CADM2: variants seen among roughly 807,000 people sequenced by gnomAD.
The protein encoded by CADM2 is immunoglobulin superfamily member 4D.
CADM2 carries 12 observed loss-of-function variants against 49.8 expected under a neutral mutation model. That is an observed-to-expected ratio of 0.24 (90% CI 0.15 to 0.39). The LOEUF is 0.39. Among genes scored for constraint, CADM2 ranks in the 10% least tolerant of loss-of-function variants. The pLI, the probability that CADM2 is intolerant of heterozygous loss-of-function variation, is 1.00. For missense variants in CADM2, 378 were observed against 492.3 expected (o/e 0.77, Z 2.20); for synonymous variants, 214 against 175.4 (o/e 1.22, Z -1.74).
chr3:85,479,239 CAATA>C lies in CADM2; in HGVS notation c.62-247282_62-247279del, dbSNP rs536820304. On this transcript the variant is annotated intron_variant, in intron 1 of 9. Coordinates refer to ENST00000383699, the MANE Select transcript of CADM2 (RefSeq NM_001167675.2). ...GGGTACAATACAATAGGTACTTTTA[CAATA>C]GATATAATACTCATGGAGTATGAAA... Among the ~76,000 whole-genome samples the C allele has an allele frequency of 3.7e-3, 559 of 151,984 alleles. 4 individuals carry two copies. The Middle Eastern group carries it at 0.044, about 12-fold the overall frequency.
chr3:85,156,942 A>G (rs1234505628), intron 1 of CADM2, among the ~76,000 whole-genome samples: 2 of 152,096 alleles, frequency 1.3e-5, no homozygotes, highest in African/African-American at 4.8e-5. Context: ...AGAAAACCCC[A>G]TTGTCTCAGC....
intron 1 of CADM2, among the ~76,000 whole-genome samples, chr3:85,033,356 A>C (rs1436958031): frequency 6.6e-6 from 1 of 152,158 alleles, no homozygotes; most frequent in East Asian, 1.9e-4. Flanking sequence ...CTTTGTGTTT[A>C]CACTGTTTTC....
At chr3:85,569,900 C>A (rs916157583) in intron 1 of CADM2, among the ~76,000 whole-genome samples, 4 of 151,932 alleles carry the variant, frequency 2.6e-5, no homozygotes, top group Non-Finnish European at 4.4e-5. Flanking sequence ...GTATATAATT[C>A]TCGATTGGCA....
chr3:85,134,965 T>G (rs948707905), intron 1 of CADM2, among the ~76,000 whole-genome samples: 1 of 152,022 alleles, frequency 6.6e-6, no homozygotes, highest in African/African-American at 2.4e-5. Flanking sequence ...TAACATGGAA[T>G]GGATTATACT....
chr3:85,628,506 C>T (rs1374753519), intron 1 of CADM2, among the ~76,000 whole-genome samples: 1 of 131,016 alleles, frequency 7.6e-6, no homozygotes, highest in African/African-American at 2.6e-5. Flanking sequence ...CCCCCTCTCC[C>T]ATATACATAT....
chr3:85,423,768 T>G (rs1184477612), intron 1 of CADM2, among the ~76,000 whole-genome samples: 3 of 152,312 alleles, frequency 2.0e-5, no homozygotes, highest in Admixed American at 1.3e-4. Flanking sequence ...TCTCTCAGTC[T>G]TAGTTTTATT....
At chr3:85,518,831 A>G (rs1219537594) in intron 1 of CADM2, among the ~76,000 whole-genome samples, 1 of 152,114 alleles carries the variant, frequency 6.6e-6, no homozygotes, top group East Asian at 1.9e-4. Context: ...TCATCTCAAG[A>G]TCTTCAATTT....
chr3:85,571,841 C>A (rs1265587050), intron 1 of CADM2, among the ~76,000 whole-genome samples: 1 of 152,108 alleles, frequency 6.6e-6, no homozygotes, highest in African/African-American at 2.4e-5. Flanking sequence ...CATACATCAG[C>A]CCTACATGAC....
intron 1 of CADM2, among the ~76,000 whole-genome samples, chr3:85,351,361 T>C (rs901138686): frequency 1.3e-5 from 2 of 152,158 alleles, no homozygotes; most frequent in African/African-American, 2.4e-5. Flanking sequence ...ATTAAAAGGA[T>C]ATCACATCAA....
At chr3:85,515,699 G>A (rs2060885643) in intron 1 of CADM2, among the ~76,000 whole-genome samples, 1 of 148,584 alleles carries the variant, frequency 6.7e-6, no homozygotes, top group Admixed American at 6.8e-5. Context: ...CTCAGACCTC[G>A]AACTCCTGAC....
chr3:85,321,943 T>C (rs985075064), intron 1 of CADM2, among the ~76,000 whole-genome samples: 1 of 152,248 alleles, frequency 6.6e-6, no homozygotes, highest in Non-Finnish European at 1.5e-5. Flanking sequence ...TAGTATTTAT[T>C]AGTTTGCAGA....
At chr3:85,146,483 G>A (rs1245758067) in intron 1 of CADM2, among the ~76,000 whole-genome samples, 2 of 151,708 alleles carry the variant, frequency 1.3e-5, no homozygotes, top group Non-Finnish European at 2.9e-5. Context: ...ACTTTCTTTT[G>A]GATTTATTCA....
At chr3:85,261,546 A>G (rs892690095) in intron 1 of CADM2, among the ~76,000 whole-genome samples, 5 of 152,136 alleles carry the variant, frequency 3.3e-5, no homozygotes, top group Non-Finnish European at 4.4e-5. Flanking sequence ...TCTCATTAAT[A>G]ATTATTCTCT....
At chr3:85,241,225 T>C (rs933176476) in intron 1 of CADM2, among the ~76,000 whole-genome samples, 2 of 151,378 alleles carry the variant, frequency 1.3e-5, no homozygotes, top group African/African-American at 4.8e-5. Context: ...CTGTGCAACA[T>C]GAACAAAAGT....
At position 86,055,327 on chromosome 3, in the gene CADM2, A is replaced by G. The variant is rs1218614802; in HGVS notation, c.971-10278A>G. Among the ~76,000 whole-genome samples the G allele has an allele frequency of 2.6e-5, 4 of 152,100 alleles. No individual in the cohort carries two copies. In the East Asian group the frequency reaches 7.7e-4, roughly 29 times the overall value. On this transcript the variant is annotated intron_variant, in intron 8 of 9. Coordinates refer to ENST00000383699, the MANE Select transcript of CADM2 (RefSeq NM_001167675.2). ...AGTTCTGGATGCTGAGAATTATGATATCAAGGTGCAGGCAGATTCAATGTT... is the reference window on the plus strand; with the variant it reads ...AGTTCTGGATGCTGAGAATTATGATGTCAAGGTGCAGGCAGATTCAATGTT...
intron 1 of CADM2, among the ~76,000 whole-genome samples, chr3:85,673,873 T>A (rs530368513): frequency 3.7e-4 from 56 of 152,282 alleles, no homozygotes; most frequent in African/African-American, 1.3e-3. Context: ...AGTATTATAT[T>A]TGAATTAAGA....
intron 1 of CADM2, among the ~76,000 whole-genome samples, chr3:85,215,358 TAAAA>T (rs955035192): frequency 6.2e-5 from 5 of 80,920 alleles, no homozygotes; most frequent in African/African-American, 2.7e-4. Flanking sequence ...CTCTCTTTTT[TAAAA>T]AAAAAAAAAA....
chr3:85,989,408 T>G (rs1728490213), intron 8 of CADM2, among the ~76,000 whole-genome samples: 3 of 152,078 alleles, frequency 2.0e-5, no homozygotes, highest in Non-Finnish European at 4.4e-5. Context: ...TATCAGAACC[T>G]CAAGAAAACG....
intron 1 of CADM2, among the ~76,000 whole-genome samples, chr3:85,503,653 G>A (rs112671046): frequency 0.03 from 4,496 of 152,264 alleles, 104 homozygotes; most frequent in Middle Eastern, 0.065. Flanking sequence ...TACCAATTTG[G>A]ATAATTGGAG....
Sources: gnomAD v4.1 joint callset for allele counts (sites outside exome capture counted in the v4.1 genomes callset) on GRCh38, gnomAD v4.1.1 for gene constraint, MANE v1.5 for transcripts, NCBI Gene and HGNC (gene_info 2026-07-23, HGNC 2026-07-21) for gene names.